PLXNA1: variants seen among roughly 807,000 people sequenced by gnomAD.
PLXNA1 encodes the protein plexin A1, also known as plexin-A1.
A neutral mutation model predicts 191.7 loss-of-function variants in PLXNA1; 77 were observed. That is an observed-to-expected ratio of 0.40 (90% CI 0.33 to 0.49). The LOEUF (loss-of-function observed/expected upper bound fraction) is 0.49, where lower values mean the gene tolerates loss of function less well. Ranked by LOEUF, PLXNA1 falls within the 20% of genes least tolerant of loss-of-function variation. The pLI, the probability that PLXNA1 is intolerant of heterozygous loss-of-function variation, is 0.63. For missense variants in PLXNA1, 2,110 were observed against 2,660.2 expected, an observed-to-expected ratio of 0.79 and a Z score of 4.55; for synonymous variants, 1,137 against 1,156.4, an observed-to-expected ratio of 0.98 and a Z score of 0.34.
intron 3 of PLXNA1, among the ~76,000 whole-genome samples, chr3:127,000,390 A>T (rs2079034346): frequency 6.6e-6 from 1 of 152,200 alleles, no homozygotes; most frequent in African/African-American, 2.4e-5. Context: ...GGTGGCCCGA[A>T]AGTGGACAGC....
At position 127,021,979 on chromosome 3, in the gene PLXNA1, G is replaced by T; in HGVS notation, c.4039-106G>T. The T allele has an allele frequency of 2.0e-6, 3 of 1,489,880 alleles. No individual in the cohort carries two copies. The Admixed American group carries it at 6.5e-5, about 32-fold the overall frequency. The allele number at this position is 1,489,880 out of a possible 1,614,324, so 92.3% of individuals were successfully genotyped here. A position where few individuals can be genotyped will look rare whatever the true frequency, so the allele number is the denominator to read the frequency against. On this transcript the variant is annotated intron_variant, in intron 21 of 31. Transcript: ENST00000393409. ...CACTTGCCTTCCAGGCCTGTCCTCT[G>T]ATGGGGCCCTGCCTCACCAGCCAGG...
chr3:127,015,988 G>C (rs1300316264), intron 15 of PLXNA1, among the ~76,000 whole-genome samples: 1 of 152,176 alleles, frequency 6.6e-6, no homozygotes, highest in Non-Finnish European at 1.5e-5. Context: ...CCTGGCCCAG[G>C]GTAGTAGGAG....
At chr3:127,020,847 A>G (rs924999904) in intron 21 of PLXNA1, among the ~76,000 whole-genome samples, 3 of 152,164 alleles carry the variant, frequency 2.0e-5, no homozygotes, top group Non-Finnish European at 2.9e-5. Context: ...GAAGTCTGCT[A>G]TGGCGGTTTG....
chr3:127,022,934 G>C (rs1015520351), intron 23 of PLXNA1, 116 bp downstream of exon 23: 12 of 952,482 alleles, frequency 1.3e-5, no homozygotes, highest in Non-Finnish European at 2.0e-5. Flanking sequence ...TGGGGTCTTG[G>C]TCGAGTTCTG....
chr3:126,991,381 C>G lies in PLXNA1; in HGVS notation c.1195-3C>G, dbSNP rs2078989273. On this transcript the variant is annotated splice_polypyrimidine_tract_variant and splice_region_variant and intron_variant, in intron 2 of 31. Coordinates refer to ENST00000393409, the MANE Select transcript of PLXNA1 (RefSeq NM_032242.4). ...GTGGCTCTCACCCTGCCCCTTCCCA[C>G]AGCCCCTGCAGATCGATGACGACTT... is the stretch of plus-strand genomic sequence containing the variant. 6.2e-7 allele frequency: 1 copy of G among 1,612,316 alleles called. No homozygotes were observed. The highest frequency in any genetic ancestry group is 1.3e-5 in the African/African-American group (1 of 74,944).
chr3:127,027,674 C>T (rs183125106), intron 23 of PLXNA1: 417 of 618,562 alleles, frequency 6.7e-4, no homozygotes, highest in Non-Finnish European at 8.9e-4. Context: ...CCATGTTCCT[C>T]GATACACTAC....
intron 14 of PLXNA1, 122 bp from the exon 15 acceptor site, chr3:127,015,062 G>C: frequency 7.0e-7 from 1 of 1,424,550 alleles, no homozygotes; most frequent in Non-Finnish European, 9.5e-7. Context: ...TGCAGCTCCC[G>C]GGCATGCGGG....
chr3:127,023,145 C>T (rs2079160531), intron 23 of PLXNA1, among the ~76,000 whole-genome samples: 1 of 152,168 alleles, frequency 6.6e-6, no homozygotes, highest in African/African-American at 2.4e-5. Context: ...GAGGGGCCAG[C>T]CTGGGGGTGC....
intron 3 of PLXNA1, among the ~76,000 whole-genome samples, chr3:126,999,996 G>A (rs1306252884): frequency 1.3e-5 from 2 of 152,022 alleles, no homozygotes; most frequent in East Asian, 1.9e-4. Context: ...GGGGCATCCC[G>A]TGTTCCGCCA....
chr3:127,017,706 A>C lies in PLXNA1; in HGVS notation c.3516+42A>C, dbSNP rs749710787. ...CGTAGGCTGGGCCAAGCCAGGGAAG[A>C]GGCCCCTCGTCCTGGGCTCTGGCTC... On this transcript the variant is annotated intron_variant, in intron 18 of 31. Transcript: ENST00000393409. The C allele has an allele frequency of 1.9e-6, 3 of 1,613,054 alleles. No homozygotes were observed. The Admixed American group carries it at 5.0e-5, about 27-fold the overall frequency.
intron 3 of PLXNA1, among the ~76,000 whole-genome samples, chr3:126,996,863 G>T (rs2079017074): frequency 6.6e-6 from 1 of 152,190 alleles, no homozygotes; most frequent in Non-Finnish European, 1.5e-5. Flanking sequence ...TCCCGAGCCT[G>T]CAGGAGGGTC....
intron 25 of PLXNA1, 129 bp downstream of exon 25, chr3:127,028,469 G>T: frequency 2.8e-6 from 3 of 1,078,012 alleles, no homozygotes; most frequent in Admixed American, 5.6e-5. Context: ...GAGGGCAGTG[G>T]AATGGCGAGT....
In PLXNA1 at chr3:127,017,615, G is replaced by GC; in HGVS notation, c.3471dup (p.Thr1158HisfsTer118). The GC allele has an allele frequency of 6.2e-7, 1 of 1,613,602 alleles. No homozygotes were observed. Among genetic ancestry groups the GC allele is most frequent in the South Asian group, 1.1e-5 (1 of 91,080 alleles). ...CCTGACCCCGTACTGGAGCCACTCA[G>GC]CCCCACTGGCCTGCTGGAGCTGAAG... is the stretch of plus-strand genomic sequence containing the variant. On this transcript the variant is annotated frameshift_variant, in exon 18 of 32. Transcript: ENST00000393409. LOFTEE classifies it high-confidence loss of function.
chr3:127,016,740 C>G, intron 16 of PLXNA1, 56 bp downstream of exon 16: 3 of 1,590,614 alleles, frequency 1.9e-6, no homozygotes, highest in Non-Finnish European at 2.6e-6. Flanking sequence ...AGCGCTGAGC[C>G]AGGAGCTCTT....
rs2079240475 is a variant in PLXNA1 at position 127,035,887 on chromosome 3, G to A, written c.*1870G>A. 1 of 152,334 alleles carries A rather than the reference G, an allele frequency of 6.6e-6. No individual in the cohort carries two copies. 9.4% of individuals were successfully genotyped at this position (152,334 alleles called of 1,614,324 possible). A position where few individuals can be genotyped will look rare whatever the true frequency, so the allele number is the denominator to read the frequency against. On this transcript the variant is annotated 3_prime_UTR_variant, in exon 32 of 32. Transcript: ENST00000393409. ...TGTGGAGTCAGTGACTGCTGACTCA[G>A]GGAGCTCCTTGGCCCCGTGGGCACT...
chr3:127,025,551 A>G (rs887250256), intron 23 of PLXNA1, among the ~76,000 whole-genome samples: 1 of 152,192 alleles, frequency 6.6e-6, no homozygotes, highest in African/African-American at 2.4e-5. Context: ...CACCTGCTCC[A>G]TGACTCTTCA....
Position 127,006,155 on chromosome 3 carries a change from C to T in PLXNA1, c.1974C>T (p.Phe658=), listed in dbSNP as rs1189392076. 1 of 1,613,678 alleles carries T rather than the reference C, an allele frequency of 6.2e-7. No individual in the cohort carries two copies. Among genetic ancestry groups the T allele is most frequent in the African/African-American group, 1.3e-5 (1 of 75,058 alleles). Residue 658 remains phenylalanine (F), a synonymous_variant, in exon 8 of 32, where the codon TTC becomes TTT. Coordinates refer to ENST00000393409, the MANE Select transcript of PLXNA1 (RefSeq NM_032242.4). ...GKKFASVDFV[F]YNCSVHQSCL... is the part of the protein sequence containing the mutation. ...AGTTTGCGTCTGTGGACTTCGTCTT[C>T]TACAACTGCAGCGTCCACCAGTCGT...
chr3:127,005,964 G>A (rs1326582302), intron 7 of PLXNA1, 115 bp from the exon 8 acceptor site: 11 of 785,634 alleles, frequency 1.4e-5, no homozygotes, highest in Admixed American at 8.7e-5. Context: ...TGTTTGATGC[G>A]ACTGATGGTG....
chr3:127,035,868 G>A lies in PLXNA1; in HGVS notation c.*1851G>A, dbSNP rs77009675. ...TTCCCTGAACGCGGGTCGGTGTGGA[G>A]TCAGTGACTGCTGACTCAGGGAGCT... On this transcript the variant is annotated 3_prime_UTR_variant, in exon 32 of 32. Transcript: ENST00000393409. The A allele has an allele frequency of 0.081, 12,408 of 152,288 alleles. 742 individuals carry two copies. The highest frequency in any genetic ancestry group is 0.23 in the East Asian group (1,186 of 5,126). The allele number at this position is 152,288 out of a possible 1,614,324, so 9.4% of individuals were successfully genotyped here.
Sources: gnomAD v4.1 joint callset for allele counts (sites outside exome capture counted in the v4.1 genomes callset) on GRCh38, gnomAD v4.1.1 for gene constraint, MANE v1.5 for transcripts, NCBI Gene and HGNC (gene_info 2026-07-23, HGNC 2026-07-21) for gene names.